Variants in NTN1 observed in about 807,000 individuals in gnomAD.
The protein encoded by NTN1 is netrin-1.
NTN1 carries 11 observed loss-of-function variants against 54.2 expected under a neutral mutation model. That is an observed-to-expected ratio of 0.20 (90% CI 0.13 to 0.34). The LOEUF is 0.34. Among genes scored for constraint, NTN1 ranks in the 10% least tolerant of loss-of-function variants. The pLI, the probability that NTN1 is intolerant of heterozygous loss-of-function variation, is 1.00. For synonymous variants in NTN1, 371 were observed against 382.0 expected, an observed-to-expected ratio of 0.97 and a Z score of 0.33; for missense variants, 740 against 893.1, an observed-to-expected ratio of 0.83 and a Z score of 2.18.
chr17:9,124,491 C>T (rs893823107), intron 2 of NTN1, among the ~76,000 whole-genome samples: 5 of 152,224 alleles, frequency 3.3e-5, no homozygotes, highest in Admixed American at 6.5e-5. Context: ...ACACCTTGTG[C>T]AGGGCCTAAT....
At chr17:9,087,035 G>A (rs573355243) in intron 2 of NTN1, among the ~76,000 whole-genome samples, 5 of 152,238 alleles carry the variant, frequency 3.3e-5, no homozygotes, top group African/African-American at 9.6e-5. Flanking sequence ...AATTTCCACC[G>A]TGACCCTATG....
chr17:9,147,233 C>T (rs2092316186), intron 2 of NTN1, among the ~76,000 whole-genome samples: 1 of 152,254 alleles, frequency 6.6e-6, no homozygotes, highest in Non-Finnish European at 1.5e-5. Context: ...CTTCCATTAG[C>T]TCACGTGTAA....
chr17:9,182,085 C>T lies in NTN1; in HGVS notation c.1358-831C>T, dbSNP rs138951610. Among the ~76,000 whole-genome samples the T allele has an allele frequency of 3.4e-3, 521 of 152,310 alleles. 5 individuals carry two copies. The highest frequency in any genetic ancestry group is 0.012 in the African/African-American group (497 of 41,568). ...CTCAAACTCCTGGGCTCAAGGAATC[C>T]CCCTGCCTCAGCCTCCTGAGTGGCT... On this transcript the variant is annotated intron_variant, in intron 4 of 6. Coordinates refer to ENST00000173229, the MANE Select transcript of NTN1 (RefSeq NM_004822.3).
intron 3 of NTN1, among the ~76,000 whole-genome samples, chr17:9,166,909 G>A (rs1369286956): frequency 6.6e-6 from 1 of 151,494 alleles, no homozygotes; most frequent in African/African-American, 2.4e-5. Flanking sequence ...AGGAGGGGTG[G>A]ACCCAGACAA....
At chr17:9,197,590 G>T (rs1430058934) in intron 5 of NTN1, among the ~76,000 whole-genome samples, 1 of 151,592 alleles carries the variant, frequency 6.6e-6, no homozygotes, top group Non-Finnish European at 1.5e-5. Context: ...AACAGAGGAG[G>T]TGGAGGTTGC....
chr17:9,210,905 GAAAAAAAAAAAAAAAAAAA>G (rs58541910), intron 5 of NTN1, among the ~76,000 whole-genome samples: 1 of 23,492 alleles, frequency 4.3e-5, no homozygotes, highest in Non-Finnish European at 6.9e-5. Flanking sequence ...GACTCCATCT[GAAAAAAAAAAAAAAAAAAA>G]AAAAAAAAAA....
chr17:9,142,859 T>G (rs1439242166), intron 2 of NTN1, among the ~76,000 whole-genome samples: 1 of 152,218 alleles, frequency 6.6e-6, no homozygotes, highest in Non-Finnish European at 1.5e-5. Flanking sequence ...ATGTAGATGC[T>G]ATAAGTTGAT....
At chr17:9,187,500 A>G (rs2092436794) in intron 5 of NTN1, among the ~76,000 whole-genome samples, 1 of 152,106 alleles carries the variant, frequency 6.6e-6, no homozygotes, top group South Asian at 2.1e-4. Flanking sequence ...CTATACAGGG[A>G]CTATTATTTA....
the NTN1 span, among the ~76,000 whole-genome samples, chr17:9,004,023 CGG>C: frequency 6.6e-6 from 1 of 152,296 alleles, no homozygotes; most frequent in Admixed American, 6.5e-5. Flanking sequence ...TGGACCCAGG[CGG>C]GGGCCGAGGG....
At chr17:9,006,217 G>A in the NTN1 span, among the ~76,000 whole-genome samples, 3 of 152,162 alleles carry the variant, frequency 2.0e-5, no homozygotes, top group Admixed American at 1.3e-4. Context: ...ATTTATGTAA[G>A]CCATTTGTAG....
intron 2 of NTN1, among the ~76,000 whole-genome samples, chr17:9,054,624 G>C (rs1458940121): frequency 6.6e-6 from 1 of 152,256 alleles, no homozygotes; most frequent in African/African-American, 2.4e-5. Flanking sequence ...TTCAGAACAA[G>C]AGTGGGAGAA....
chr17:9,186,537 C>CTTA (rs1555574368), intron 5 of NTN1, among the ~76,000 whole-genome samples: 1 of 152,270 alleles, frequency 6.6e-6, no homozygotes, highest in African/African-American at 2.4e-5. Flanking sequence ...CCATCGGGGC[C>CTTA]TTACCTGGTA....
Position 9,198,625 on chromosome 17 carries a change from G to A in NTN1, c.1411+15656G>A, listed in dbSNP as rs1904700907. Among the ~76,000 whole-genome samples, 2 of 152,148 alleles carry A rather than the reference G, an allele frequency of 1.3e-5. 1 individual carries two copies. Among genetic ancestry groups the A allele is most frequent in the South Asian group, 4.1e-4 (2 of 4,828 alleles). On this transcript the variant is annotated intron_variant, in intron 5 of 6. Coordinates refer to ENST00000173229, the MANE Select transcript of NTN1 (RefSeq NM_004822.3). ...GAAAAACCTGGTGGTTATTCTCTGAGGTCCCATGTCCTCCCTCCTGTGTCC... is the reference window on the plus strand; with the variant it reads ...GAAAAACCTGGTGGTTATTCTCTGAAGTCCCATGTCCTCCCTCCTGTGTCC...
the NTN1 span, among the ~76,000 whole-genome samples, chr17:9,013,285 C>A: frequency 6.9e-6 from 1 of 144,558 alleles, no homozygotes; most frequent in African/African-American, 2.6e-5. Flanking sequence ...GGTGCAATCT[C>A]GGCTCACTGC....
chr17:9,222,598 G>C (rs759323334), intron 6 of NTN1, among the ~76,000 whole-genome samples: 3 of 152,192 alleles, frequency 2.0e-5, no homozygotes, highest in Non-Finnish European at 4.4e-5. Context: ...AGAGGAGGAG[G>C]GAGGAAACGG....
chr17:9,102,736 C>T (rs80115938), intron 2 of NTN1, among the ~76,000 whole-genome samples: 2 of 152,246 alleles, frequency 1.3e-5, no homozygotes, highest in African/African-American at 4.8e-5. Context: ...TGCCCATCAA[C>T]AATAGAATAG....
At chr17:9,126,312 C>T (rs928696837) in intron 2 of NTN1, among the ~76,000 whole-genome samples, 74 of 152,308 alleles carry the variant, frequency 4.9e-4, no homozygotes, top group African/African-American at 1.7e-3. Flanking sequence ...AGTTCGAGAC[C>T]AGCCTGACCA....
chr17:9,205,986 G>T (rs569865549), intron 5 of NTN1, among the ~76,000 whole-genome samples: 1 of 152,238 alleles, frequency 6.6e-6, no homozygotes, highest in Non-Finnish European at 1.5e-5. Context: ...GACGGGCTGA[G>T]CTCCAACTGG....
chr17:9,068,321 A>G (rs2092021937), intron 2 of NTN1, among the ~76,000 whole-genome samples: 1 of 152,070 alleles, frequency 6.6e-6, no homozygotes, highest in Non-Finnish European at 1.5e-5. Flanking sequence ...AGCTAGAACC[A>G]AAGGCATGTG....
Sources: gnomAD v4.1 joint callset for allele counts (sites outside exome capture counted in the v4.1 genomes callset) on GRCh38, gnomAD v4.1.1 for gene constraint, MANE v1.5 for transcripts, NCBI Gene and HGNC (gene_info 2026-07-23, HGNC 2026-07-21) for gene names.